The following CDC16 variants were observed in gnomAD, a reference collection of about 807,000 sequenced individuals.
CDC16 encodes cell division cycle protein 16 homolog.
Under a neutral mutation model 87.0 loss-of-function variants are expected in CDC16, and 34 were observed. That is an observed-to-expected ratio of 0.39 (90% CI 0.30 to 0.52). The LOEUF is 0.52. Among genes scored for constraint, CDC16 ranks in the 20% least tolerant of loss-of-function variants. The pLI is 0.74. For missense variants in CDC16, 653 were observed against 751.9 expected (o/e 0.87, Z 1.54); for synonymous variants, 263 against 260.6 (o/e 1.01, Z -0.09).
intron 13 of CDC16, among the ~76,000 whole-genome samples, chr13:114,257,860 C>T (rs1462444768): frequency 6.6e-6 from 1 of 152,086 alleles, no homozygotes; most frequent in Non-Finnish European, 1.5e-5. Context: ...ATTTTCAGCT[C>T]ACTGCATTCT....
intron 11 of CDC16, chr13:114,247,264 A>G (rs1199024279): frequency 9.6e-6 from 4 of 417,622 alleles, no homozygotes; most frequent in South Asian, 6.0e-5. Flanking sequence ...CTCAAACTCA[A>G]ATGATCCTCT....
intron 12 of CDC16, among the ~76,000 whole-genome samples, chr13:114,253,774 T>C (rs2082337408): frequency 6.6e-6 from 1 of 152,188 alleles, no homozygotes; most frequent in African/African-American, 2.4e-5. Context: ...ATTCTGCTCT[T>C]GTTGGGTGAA....
At chr13:114,259,163 A>G (rs1262781970) in intron 13 of CDC16, among the ~76,000 whole-genome samples, 172 bp from the exon 14 acceptor site, 12 of 151,670 alleles carry the variant, frequency 7.9e-5, no homozygotes, top group Non-Finnish European at 2.9e-5. Flanking sequence ...TGAACTCTTG[A>G]TATTAATGCC....
intron 5 of CDC16, among the ~76,000 whole-genome samples, chr13:114,241,661 G>T (rs1385175206): frequency 2.0e-5 from 3 of 152,144 alleles, no homozygotes; most frequent in Non-Finnish European, 4.4e-5. Flanking sequence ...CATTTTTTGT[G>T]TGTTTTTATT....
rs1455345956 is a variant in CDC16, at chr13:114,234,973, G to C, written c.-112G>C. On this transcript the variant is annotated 5_prime_UTR_variant, in exon 1 of 18. Transcript: ENST00000356221. Reference sequence around the variant, plus strand: ...TTCGAGTCCGCGGCCTTCGAGTCCTGGGGCGGCGGCGGCGGCTGCAGGCAC... The same window carrying C: ...TTCGAGTCCGCGGCCTTCGAGTCCTCGGGCGGCGGCGGCGGCTGCAGGCAC... 1.1e-4 allele frequency: 94 copies of C among 823,734 alleles called. No homozygotes were observed. In the East Asian group the frequency reaches 3.1e-3, roughly 27 times the overall value. 51.0% of individuals were successfully genotyped at this position (823,734 alleles called of 1,614,324 possible).
chr13:114,235,691 A>AT (rs1320124304), intron 1 of CDC16, among the ~76,000 whole-genome samples: 1 of 152,148 alleles, frequency 6.6e-6, no homozygotes, highest in Non-Finnish European at 1.5e-5. Context: ...ATTGTTGTTT[A>AT]TTTTTTGTTG....
chr13:114,248,826 ACTT>A (rs2082003895), intron 11 of CDC16, among the ~76,000 whole-genome samples: 1 of 151,986 alleles, frequency 6.6e-6, no homozygotes, highest in Non-Finnish European at 1.5e-5. Context: ...TTTTAGAAGA[ACTT>A]CTACATAGAA....
In CDC16 at chr13:114,249,642, G is replaced by A. The variant is rs150562082; in HGVS notation, c.972-907G>A. On this transcript the variant is annotated intron_variant, in intron 11 of 17. Transcript: ENST00000356221. The stretch of plus-strand genomic sequence containing the variant: ...TTATTCACTGATATATATGAGTCCA[G>A]TCCCTGTAACCAGGGTATATCTGTT... 9.8e-3 allele frequency among the ~76,000 whole-genome samples: 1,486 copies of A among 152,250 alleles called. 22 individuals carry two copies. The highest frequency in any genetic ancestry group is 0.034 in the African/African-American group (1,412 of 41,526).
intron 15 of CDC16, 108 bp from the exon 16 acceptor site, chr13:114,262,771 G>A (rs1373950957): frequency 1.9e-6 from 2 of 1,075,354 alleles, no homozygotes; most frequent in East Asian, 2.4e-5. Flanking sequence ...CTAGACTGCT[G>A]TTCTCATTGA....
In CDC16 at chr13:114,245,991, C is replaced by T. The variant is rs772851654; in HGVS notation, c.848-9C>T. The T allele has an allele frequency of 1.4e-6, 2 of 1,461,656 alleles. No individual in the cohort carries two copies. The allele number at this position is 1,461,656 out of a possible 1,614,324, so 90.5% of individuals were successfully genotyped here. A position where few individuals can be genotyped will look rare whatever the true frequency, so the allele number is the denominator to read the frequency against. ...AACAATTGTTCTTTTTCTGCTTTTT[C>T]CTGAACAGAACTTTTCTATCTTTCT... On this transcript the variant is annotated splice_polypyrimidine_tract_variant and intron_variant, in intron 9 of 17. Coordinates refer to ENST00000356221, the MANE Select transcript of CDC16 (RefSeq NM_001078645.3).
intron 11 of CDC16, among the ~76,000 whole-genome samples, chr13:114,248,435 C>T (rs562028134): frequency 4.3e-4 from 65 of 152,284 alleles, no homozygotes; most frequent in African/African-American, 1.4e-3. Flanking sequence ...AATCCCAACA[C>T]TTTGGGAGGC....
chr13:114,241,008 T>C (rs2081522770), intron 5 of CDC16, among the ~76,000 whole-genome samples: 1 of 152,236 alleles, frequency 6.6e-6, no homozygotes, highest in South Asian at 2.1e-4. Context: ...TTTTCTAAAA[T>C]TTTACTTTAT....
chr13:114,246,474 A>G (rs1209564050), intron 10 of CDC16, among the ~76,000 whole-genome samples: 1 of 152,228 alleles, frequency 6.6e-6, no homozygotes, highest in Non-Finnish European at 1.5e-5. Context: ...ATGGAGAACT[A>G]GGAATGGAAA....
At chr13:114,259,808 A>G (rs538084853) in intron 14 of CDC16, among the ~76,000 whole-genome samples, 1 of 152,310 alleles carries the variant, frequency 6.6e-6, no homozygotes, top group South Asian at 2.1e-4. Flanking sequence ...TTCTGAAAGG[A>G]TAGGGATGGG....
rs748326158 is a variant in CDC16, at chr13:114,261,870, A to T, written c.1315-17A>T. 14 of 1,577,612 alleles carry T rather than the reference A, an allele frequency of 8.9e-6. No individual in the cohort carries two copies. Among genetic ancestry groups the T allele is most frequent in the Non-Finnish European group, 1.2e-5 (14 of 1,158,648 alleles). ...GTGACATATATAACTCGTGGGCTTGATGTTGCTATGTTTTAGGTAACAGTT... is the reference window on the plus strand; with the variant it reads ...GTGACATATATAACTCGTGGGCTTGTTGTTGCTATGTTTTAGGTAACAGTT... On this transcript the variant is annotated splice_polypyrimidine_tract_variant and intron_variant, in intron 14 of 17. Coordinates refer to ENST00000356221, the MANE Select transcript of CDC16 (RefSeq NM_001078645.3).
rs1394906322 is a variant in CDC16, at chr13:114,242,117, A to G, written c.382-4A>G. 1.3e-6 allele frequency: 2 copies of G among 1,588,080 alleles called. No homozygotes were observed. The highest frequency in any genetic ancestry group is 2.2e-5 in the East Asian group (1 of 44,754). On this transcript the variant is annotated splice_polypyrimidine_tract_variant and splice_region_variant and intron_variant, in intron 5 of 17. Transcript: ENST00000356221. ...TAATATGTGACTCATCATTTTTCCA[A>G]CAGATAAAGAGTTCTATCTGTCTTC...
chr13:114,240,038 G>C (rs1177621994), intron 5 of CDC16, among the ~76,000 whole-genome samples: 2 of 151,898 alleles, frequency 1.3e-5, no homozygotes, highest in Non-Finnish European at 2.9e-5. Flanking sequence ...ACTTATTGAG[G>C]TATAATTTAT....
At position 114,258,972 on chromosome 13, in the gene CDC16, C is replaced by T. The variant is rs2139089595; in HGVS notation, c.1251-363C>T. Among the ~76,000 whole-genome samples, 2 of 152,012 alleles carry T rather than the reference C, an allele frequency of 1.3e-5. 1 individual carries two copies. Among genetic ancestry groups the T allele is most frequent in the Middle Eastern group, 6.8e-3 (2 of 294 alleles). On this transcript the variant is annotated intron_variant, in intron 13 of 17. Transcript: ENST00000356221. ...AATTAGCCAGGGATGGTGTTGTACA[C>T]CTGTAATCCCAGCTGTGTCAGGAGG...
chr13:114,264,491 C>T (rs1307418154), intron 16 of CDC16, among the ~76,000 whole-genome samples: 4 of 151,826 alleles, frequency 2.6e-5, no homozygotes, highest in East Asian at 3.9e-4. Context: ...ACCCGGGAGG[C>T]GGAGGTTGCA....
Sources: gnomAD v4.1 joint callset for allele counts (sites outside exome capture counted in the v4.1 genomes callset) on GRCh38, gnomAD v4.1.1 for gene constraint, MANE v1.5 for transcripts, NCBI Gene and HGNC (gene_info 2026-07-23, HGNC 2026-07-21) for gene names.